FHIT: variants seen among roughly 807,000 people sequenced by gnomAD.
FHIT encodes the protein bis(5'-adenosyl)-triphosphatase.
In FHIT, 19 loss-of-function variants were observed where a neutral mutation model predicts 17.9. The observed-to-expected ratio is 1.06, with a 90% confidence interval of 0.74 to 1.56. The LOEUF is 1.56. Ranked by LOEUF, FHIT falls within the 40% of genes most tolerant of loss-of-function variation. The probability of loss-of-function intolerance (pLI) is 0.00; values close to 1 mark genes in which losing one functional copy is unlikely to be tolerated. For missense variants in FHIT, 248 were observed against 189.2 expected, an observed-to-expected ratio of 1.31 and a Z score of -1.82; for synonymous variants, 81 against 69.7, an observed-to-expected ratio of 1.16 and a Z score of -0.81.
At chr3:60,878,631 C>T (rs1374048866) in intron 3 of FHIT, among the ~76,000 whole-genome samples, 1 of 152,000 alleles carries the variant, frequency 6.6e-6, no homozygotes, top group African/African-American at 2.4e-5. Flanking sequence ...CTAATGCTAT[C>T]CCTCCCCCTG....
intron 3 of FHIT, among the ~76,000 whole-genome samples, chr3:60,961,497 C>A (rs538446250): frequency 1.3e-5 from 2 of 152,186 alleles, no homozygotes; most frequent in Non-Finnish European, 2.9e-5. Flanking sequence ...GTCATAAAGC[C>A]CTTACCCATG....
At chr3:60,838,020 C>A (rs1362107103) in intron 3 of FHIT, among the ~76,000 whole-genome samples, 1 of 152,102 alleles carries the variant, frequency 6.6e-6, no homozygotes, top group African/African-American at 2.4e-5. Context: ...CTCAAGAGTA[C>A]AAATGTTTTT....
intron 5 of FHIT, among the ~76,000 whole-genome samples, chr3:60,479,813 T>C (rs894268431): frequency 2.0e-5 from 3 of 152,208 alleles, no homozygotes; most frequent in African/African-American, 7.2e-5. Context: ...AATGCCTGAA[T>C]ATCTGAGGTA....
At chr3:60,381,214 A>C (rs1485547423) in intron 5 of FHIT, among the ~76,000 whole-genome samples, 1 of 152,162 alleles carries the variant, frequency 6.6e-6, no homozygotes, top group Non-Finnish European at 1.5e-5. Context: ...ACGGTGGCTC[A>C]CACCTGTAAT....
chr3:59,996,260 A>T (rs2107487135), intron 7 of FHIT, among the ~76,000 whole-genome samples: 1 of 152,246 alleles, frequency 6.6e-6, no homozygotes, highest in Non-Finnish European at 1.5e-5. Context: ...ATCAGATTTA[A>T]ATACTTAAAG....
chr3:60,304,890 A>G (rs1033107297), intron 5 of FHIT, among the ~76,000 whole-genome samples: 1 of 152,146 alleles, frequency 6.6e-6, no homozygotes, highest in Non-Finnish European at 1.5e-5. Context: ...AAATCTCTGA[A>G]TCTAATCTAC....
At chr3:61,177,160 G>A (rs2038183379) in intron 2 of FHIT, among the ~76,000 whole-genome samples, 1 of 146,122 alleles carries the variant, frequency 6.8e-6, no homozygotes. Flanking sequence ...CTGGGCGACA[G>A]AGTAAGACTC....
intron 7 of FHIT, among the ~76,000 whole-genome samples, chr3:60,008,392 A>G (rs1337121679): frequency 6.6e-6 from 1 of 152,128 alleles, no homozygotes; most frequent in Non-Finnish European, 1.5e-5. Flanking sequence ...TTACTTTGAT[A>G]TTTCCCTTTC....
At chr3:60,801,638 A>G (rs1195128539) in intron 4 of FHIT, among the ~76,000 whole-genome samples, 1 of 152,220 alleles carries the variant, frequency 6.6e-6, no homozygotes, top group Non-Finnish European at 1.5e-5. Context: ...GGTTATGCAA[A>G]AGAGAAATGA....
intron 4 of FHIT, among the ~76,000 whole-genome samples, chr3:60,763,496 G>A (rs560965526): frequency 3.9e-5 from 6 of 152,198 alleles, no homozygotes; most frequent in Non-Finnish European, 8.8e-5. Context: ...TCTACCCTGT[G>A]AAGGTAGGTA....
intron 5 of FHIT, among the ~76,000 whole-genome samples, chr3:60,246,989 T>C (rs1705428756): frequency 6.6e-6 from 1 of 152,132 alleles, no homozygotes; most frequent in South Asian, 2.1e-4. Flanking sequence ...AATGGTAGAT[T>C]ACATGCAAGT....
chr3:59,837,128 A>G (rs1701365638), intron 8 of FHIT, among the ~76,000 whole-genome samples: 1 of 152,186 alleles, frequency 6.6e-6, no homozygotes, highest in Admixed American at 6.5e-5. Context: ...CTCAGAACAC[A>G]TTATTCTATT....
intron 5 of FHIT, among the ~76,000 whole-genome samples, chr3:60,296,144 C>T (rs546114054): frequency 6.6e-6 from 1 of 152,164 alleles, no homozygotes; most frequent in African/African-American, 2.4e-5. Context: ...TCCATTAAAC[C>T]TCTTTTTCTT....
chr3:60,237,013 A>T (rs900942882), intron 5 of FHIT, among the ~76,000 whole-genome samples: 2 of 152,172 alleles, frequency 1.3e-5, no homozygotes, highest in African/African-American at 4.8e-5. Flanking sequence ...ATCCACTTTA[A>T]GTACTAGCAT....
intron 4 of FHIT, among the ~76,000 whole-genome samples, chr3:60,772,081 C>G (rs1428159371): frequency 6.6e-6 from 1 of 151,948 alleles, no homozygotes; most frequent in Non-Finnish European, 1.5e-5. Flanking sequence ...CTGCTATAAA[C>G]TAAAGTTGAA....
intron 5 of FHIT, among the ~76,000 whole-genome samples, chr3:60,046,319 T>C (rs1701651447): frequency 6.6e-6 from 1 of 152,190 alleles, no homozygotes; most frequent in Non-Finnish European, 1.5e-5. Flanking sequence ...AGGTGGATTT[T>C]GAACAGAACA....
chr3:60,238,160 AAG>A (rs1491223293), intron 5 of FHIT, among the ~76,000 whole-genome samples: 6 of 151,284 alleles, frequency 4.0e-5, no homozygotes, highest in Non-Finnish European at 7.4e-5. Flanking sequence ...AAAAAAAAAA[AAG>A]AATTTGTGTA....
chr3:60,019,434 C>CTTTTTTTTTTTTTT (rs1700470746), intron 5 of FHIT, among the ~76,000 whole-genome samples: 1 of 57,650 alleles, frequency 1.7e-5, no homozygotes, highest in South Asian at 9.3e-4. Context: ...TTTTTTTTTC[C>CTTTTTTTTTTTTTT]TGAGATGGAG....
intron 4 of FHIT, among the ~76,000 whole-genome samples, chr3:60,618,590 A>G (rs1160328028): frequency 6.6e-6 from 1 of 152,178 alleles, no homozygotes; most frequent in Non-Finnish European, 1.5e-5. Flanking sequence ...TACTTTGAAA[A>G]CAAGTTCTAC....
Sources: gnomAD v4.1 joint callset for allele counts (sites outside exome capture counted in the v4.1 genomes callset) on GRCh38, gnomAD v4.1.1 for gene constraint, MANE v1.5 for transcripts, NCBI Gene and HGNC (gene_info 2026-07-23, HGNC 2026-07-21) for gene names.